RFPL4A: variants seen among roughly 807,000 people sequenced by gnomAD.
RFPL4A encodes the protein ret finger protein-like 4A.
A neutral mutation model predicts 8.3 loss-of-function variants in RFPL4A; 4 were observed. That is an observed-to-expected ratio of 0.48 (90% CI 0.24 to 1.10). The LOEUF (loss-of-function observed/expected upper bound fraction) is 1.10. Ranked by LOEUF, RFPL4A falls within the 50% of genes least tolerant of loss-of-function variation. RFPL4A has a pLI of 0.18. For synonymous variants in RFPL4A, 43 were observed against 136.6 expected, an observed-to-expected ratio of 0.31 and a Z score of 4.78; for missense variants, 111 against 358.7, an observed-to-expected ratio of 0.31 and a Z score of 5.58.
intron 1 of RFPL4A, among the ~76,000 whole-genome samples, chr19:55,760,979 T>C (rs1023545447): frequency 6.7e-6 from 1 of 148,940 alleles, no homozygotes; most frequent in Non-Finnish European, 1.5e-5. Context: ...TTTTGGCTTT[T>C]TTTTCTTTTT....
chr19:55,761,667 G>T (rs930874225), intron 1 of RFPL4A, 125 bp from the exon 2 acceptor site: 1 of 1,404,412 alleles, frequency 7.1e-7, no homozygotes, highest in Non-Finnish European at 9.6e-7. Flanking sequence ...TTCGTCACTA[G>T]CAGTAGTGAT....
At chr19:55,758,198 G>C (rs1454311832), upstream of RFPL4A, among the ~76,000 whole-genome samples, 270 of 149,908 alleles carry the variant, frequency 1.8e-3, no homozygotes, top group African/African-American at 6.4e-3. Flanking sequence ...ACAACGTAGA[G>C]ATTTGTGTTT....
At chr19:55,759,925 C>T (rs753177194) in intron 1 of RFPL4A, among the ~76,000 whole-genome samples, 75 of 151,730 alleles carry the variant, frequency 4.9e-4, no homozygotes, top group Non-Finnish European at 7.6e-4. Flanking sequence ...AATGTATATA[C>T]CACCATTTCC....
At position 55,763,134 on chromosome 19, in the gene RFPL4A, C is replaced by A; in HGVS notation, c.823C>A (p.Pro275Thr). 1 of 1,538,010 alleles carries A rather than the reference C, an allele frequency of 6.5e-7. No individual in the cohort carries two copies. Among genetic ancestry groups the A allele is most frequent in the South Asian group, 1.2e-5 (1 of 83,428 alleles). ...CCTGAGTATCTGTTCTGTGATCAAT[C>A]CATCCGCTGCCAGTGCCCCAGTTTC... ...SILSICSVIN[P>T]SAASAPVSSE... Residue 275 changes from proline to threonine, a missense_variant, in exon 3 of 3, where the codon CCA (proline) becomes ACA (threonine). Coordinates refer to ENST00000434937, the MANE Select transcript of RFPL4A (RefSeq NM_001145014.2).
At chr19:55,760,843 T>A (rs1989266621) in intron 1 of RFPL4A, among the ~76,000 whole-genome samples, 1 of 151,532 alleles carries the variant, frequency 6.6e-6, no homozygotes, top group Non-Finnish European at 1.5e-5. Context: ...TATTCCTGCC[T>A]CAGTTTAAAT....
chr19:55,758,250 T>C (rs1399214561), upstream of RFPL4A, among the ~76,000 whole-genome samples: 1 of 152,300 alleles, frequency 6.6e-6, no homozygotes, highest in African/African-American at 2.4e-5. Context: ...GAGAACTGCC[T>C]TGGCTTTGAA....
Position 55,763,240 on chromosome 19 carries a change from T to C in RFPL4A, c.*65T>C. 9 of 1,370,528 alleles carry C rather than the reference T, an allele frequency of 6.6e-6. No individual in the cohort carries two copies. The South Asian group carries it at 1.1e-4, about 17-fold the overall frequency. The allele number at this position is 1,370,528 out of a possible 1,614,324, so 84.9% of individuals were successfully genotyped here. ...GCTCCCATAGCCATAGCTAAGAACT[T>C]TTCCGCTAGATACACATAGGTACAA... On this transcript the variant is annotated 3_prime_UTR_variant, in exon 3 of 3. Coordinates refer to ENST00000434937, the MANE Select transcript of RFPL4A (RefSeq NM_001145014.2).
chr19:55,760,318 A>T (rs1989256867), intron 1 of RFPL4A, among the ~76,000 whole-genome samples: 1 of 151,510 alleles, frequency 6.6e-6, no homozygotes, highest in Non-Finnish European at 1.5e-5. Flanking sequence ...CCCCAGTCCC[A>T]GCCAGTTTCC....
intron 1 of RFPL4A, among the ~76,000 whole-genome samples, chr19:55,760,100 T>C (rs1432645241): frequency 6.6e-6 from 1 of 151,738 alleles, no homozygotes; most frequent in East Asian, 2.0e-4. Context: ...CTATCCTTCA[T>C]GTTTTCAGAA....
At chr19:55,761,580 C>T (rs1417678665) in intron 1 of RFPL4A, among the ~76,000 whole-genome samples, 4 of 147,600 alleles carry the variant, frequency 2.7e-5, no homozygotes, top group East Asian at 1.9e-4. Flanking sequence ...GTGAATCATG[C>T]CCTTTATTCC....
chr19:55,759,665 A>G (rs1989243091), intron 1 of RFPL4A, among the ~76,000 whole-genome samples: 1 of 151,330 alleles, frequency 6.6e-6, no homozygotes, highest in Non-Finnish European at 1.5e-5. Flanking sequence ...GCTGGGACCC[A>G]CCTCTTCCAG....
chr19:55,760,029 A>C (rs1239197843), intron 1 of RFPL4A, among the ~76,000 whole-genome samples: 1 of 151,664 alleles, frequency 6.6e-6, no homozygotes, highest in African/African-American at 2.4e-5. Flanking sequence ...TCTCTTTGAC[A>C]TGCTGACTTC....
At chr19:55,762,401 A>G (rs1182258299) in intron 2 of RFPL4A, among the ~76,000 whole-genome samples, 197 bp from the exon 3 acceptor site, 7 of 151,464 alleles carry the variant, frequency 4.6e-5, no homozygotes, top group African/African-American at 1.7e-4. Context: ...ACTTGTTACA[A>G]TGATCATATT....
intron 1 of RFPL4A, among the ~76,000 whole-genome samples, chr19:55,759,809 G>A (rs1037602503): frequency 6.6e-6 from 1 of 151,440 alleles, no homozygotes; most frequent in African/African-American, 2.4e-5. Flanking sequence ...ATCATACAGT[G>A]TTTACTTCCC....
chr19:55,757,988 T>C (rs1314039694), upstream of RFPL4A, among the ~76,000 whole-genome samples: 2 of 152,176 alleles, frequency 1.3e-5, no homozygotes, highest in Non-Finnish European at 2.9e-5. Flanking sequence ...CTCCCAGAAA[T>C]GTGAGTATAT....
intron 1 of RFPL4A, among the ~76,000 whole-genome samples, chr19:55,760,247 T>G (rs183008724): frequency 1.3e-5 from 2 of 151,568 alleles, no homozygotes; most frequent in East Asian, 3.9e-4. Flanking sequence ...AGAGAGGGGT[T>G]AATATCTCAT....
rs184838706 is a variant in RFPL4A, at chr19:55,761,311, A to G, written c.-9-481A>G. On this transcript the variant is annotated intron_variant, in intron 1 of 2. Transcript: ENST00000434937. ...TCAGTTTCTGGTAGTCACATAAAAT[A>G]GAACAAAACAAGCCTAATGAATTTT... 3.6e-5 allele frequency among the ~76,000 whole-genome samples: 5 copies of G among 138,332 alleles called. 1 individual carries two copies. Among genetic ancestry groups the G allele is most frequent in the African/African-American group, 1.3e-4 (5 of 37,628 alleles). 90.8% of individuals were successfully genotyped at this position (138,332 alleles called of 152,430 possible).
upstream of RFPL4A, among the ~76,000 whole-genome samples, chr19:55,757,453 A>G (rs200639151): frequency 1.3e-5 from 2 of 150,340 alleles, no homozygotes; most frequent in East Asian, 4.0e-4. Flanking sequence ...CATTTACGTC[A>G]GCTTCTGTGA....
chr19:55,757,423 C>T (rs1269281520), upstream of RFPL4A, among the ~76,000 whole-genome samples: 2 of 151,960 alleles, frequency 1.3e-5, no homozygotes, highest in Non-Finnish European at 2.9e-5. Flanking sequence ...GCCTGGGGAT[C>T]GGAAGCCACC....
Sources: gnomAD v4.1 joint callset for allele counts (sites outside exome capture counted in the v4.1 genomes callset) on GRCh38, gnomAD v4.1.1 for gene constraint, MANE v1.5 for transcripts, NCBI Gene and HGNC (gene_info 2026-07-23, HGNC 2026-07-21) for gene names.